The following SAMD8 variants were observed in gnomAD, a reference collection of about 807,000 sequenced individuals.
SAMD8 encodes sterile alpha motif domain containing 8, also known as sphingomyelin synthase-related protein 1.
A neutral mutation model predicts 42.0 loss-of-function variants in SAMD8; 20 were observed. The ratio of observed to expected loss-of-function variants is 0.48; its 90% CI spans 0.34 to 0.69. The LOEUF (loss-of-function observed/expected upper bound fraction) is 0.69, where lower values mean the gene tolerates loss of function less well. Ranked by LOEUF, SAMD8 falls within the 30% of genes least tolerant of loss-of-function variation. SAMD8 has a pLI of 0.01. For synonymous variants in SAMD8, 162 were observed against 173.0 expected (o/e 0.94, Z 0.50); for missense variants, 328 against 511.6 (o/e 0.64, Z 3.46).
chr10:75,147,036 C>T (rs1840153183), intron 1 of SAMD8, among the ~76,000 whole-genome samples: 1 of 152,138 alleles, frequency 6.6e-6, no homozygotes, highest in Non-Finnish European at 1.5e-5. Context: ...TCAAAGACTT[C>T]CAAGAGACTT....
rs1338125134 is a variant in SAMD8 at position 75,182,066 on chromosome 10, T to C, written c.*5374T>C. 2 of 152,246 alleles carry C rather than the reference T, an allele frequency of 1.3e-5. No individual in the cohort carries two copies. Among genetic ancestry groups the C allele is most frequent in the African/African-American group, 4.8e-5 (2 of 41,474 alleles). The allele number at this position is 152,246 out of a possible 1,614,324, so 9.4% of individuals were successfully genotyped here. ...GATTTAACTAATATATATTATTTTA[T>C]ATCTTTGTTGTATTAAAATGTTTAA... is the stretch of plus-strand genomic sequence containing the variant. On this transcript the variant is annotated 3_prime_UTR_variant, in exon 6 of 6. Coordinates refer to ENST00000542569, the MANE Select transcript of SAMD8 (RefSeq NM_001174156.2).
intron 1 of SAMD8, chr10:75,103,748 G>A (rs1848321100): frequency 1.7e-6 from 1 of 578,114 alleles, no homozygotes; most frequent in Admixed American, 3.7e-5. Flanking sequence ...GCCCTGAGGG[G>A]AGCTGCTGGA....
At chr10:75,111,334 T>G, upstream of SAMD8, 1 of 404,804 alleles carries the variant, frequency 2.5e-6, no homozygotes, top group Non-Finnish European at 4.2e-6. Context: ...CTCCTGTCGC[T>G]TTGGCCTCCG....
At chr10:75,171,160 C>CTTTTTTTTTTTTTTTTTTTTT (rs1003923090) in intron 4 of SAMD8, among the ~76,000 whole-genome samples, 12 of 68,518 alleles carry the variant, frequency 1.8e-4, no homozygotes, top group African/African-American at 3.5e-4. Flanking sequence ...CTTTCTTTTT[C>CTTTTTTTTTTTTTTTTTTTTT]TTTTTTTTTT....
Position 75,148,515 on chromosome 10 carries a change from G to A in SAMD8, c.-15-1999G>A, listed in dbSNP as rs140258051. ...ACTACAGGCGCACGCTGCCATGCCC[G>A]GCTAATTTTTTGTATTTTTAGTAGA... On this transcript the variant is annotated intron_variant, in intron 1 of 5. Coordinates refer to ENST00000542569, the MANE Select transcript of SAMD8 (RefSeq NM_001174156.2). Among the ~76,000 whole-genome samples the A allele has an allele frequency of 3.7e-3, 564 of 152,016 alleles. 1 individual carries two copies. Among genetic ancestry groups the A allele is most frequent in the African/African-American group, 0.011 (449 of 41,444 alleles).
chr10:75,161,057 G>C (rs1375060268), intron 2 of SAMD8, among the ~76,000 whole-genome samples: 1 of 152,028 alleles, frequency 6.6e-6, no homozygotes, highest in Non-Finnish European at 1.5e-5. Context: ...CGCAGAGTGA[G>C]ACCCTGTCTC....
chr10:75,143,410 G>A (rs771684459), intron 1 of SAMD8, among the ~76,000 whole-genome samples: 10 of 152,232 alleles, frequency 6.6e-5, no homozygotes, highest in South Asian at 2.1e-4. Flanking sequence ...TCATATTTTG[G>A]TATGGTAACA....
Position 75,128,241 on chromosome 10 carries a change from T to G in SAMD8, c.-16+16519T>G, listed in dbSNP as rs1186835945. Reference sequence around the variant, plus strand: ...GCACATGCTACCACGTCCAGCTAATTTTTGTATTTTTAGTAGAGACAGCAT... The same window carrying G: ...GCACATGCTACCACGTCCAGCTAATGTTTGTATTTTTAGTAGAGACAGCAT... On this transcript the variant is annotated intron_variant, in intron 1 of 5. Coordinates refer to ENST00000542569, the MANE Select transcript of SAMD8 (RefSeq NM_001174156.2). Among the ~76,000 whole-genome samples, 6 of 151,894 alleles carry G rather than the reference T, an allele frequency of 4.0e-5. No individual in the cohort carries two copies. In the East Asian group the frequency reaches 9.6e-4, roughly 24 times the overall value.
chr10:75,159,890 T>A (rs770124487), intron 2 of SAMD8, among the ~76,000 whole-genome samples: 3 of 152,352 alleles, frequency 2.0e-5, no homozygotes, highest in Non-Finnish European at 4.4e-5. Flanking sequence ...CACTGATGTT[T>A]GTTTCAGGGT....
chr10:75,105,073 G>C (rs1430428553), intron 1 of SAMD8, among the ~76,000 whole-genome samples: 1 of 152,188 alleles, frequency 6.6e-6, no homozygotes, highest in Non-Finnish European at 1.5e-5. Context: ...AGGAGTTGTA[G>C]AGGAAGCAGA....
intron 2 of SAMD8, 28 bp from the exon 3 acceptor site, chr10:75,164,616 CA>C: frequency 6.2e-7 from 1 of 1,604,164 alleles, no homozygotes; most frequent in Non-Finnish European, 8.5e-7. Context: ...TATACTTCTT[CA>C]ATTCAAAATC....
chr10:75,123,729 C>T (rs1005772807), intron 1 of SAMD8, among the ~76,000 whole-genome samples: 2 of 151,666 alleles, frequency 1.3e-5, no homozygotes, highest in African/African-American at 4.8e-5. Flanking sequence ...GTCTCACTGT[C>T]TCCCAGGTTG....
intron 1 of SAMD8, among the ~76,000 whole-genome samples, chr10:75,133,540 A>G (rs943855790): frequency 1.3e-5 from 2 of 152,248 alleles, no homozygotes; most frequent in Non-Finnish European, 2.9e-5. Context: ...AATAGCCAAG[A>G]TAAGGAATCA....
At chr10:75,145,345 T>C (rs1840107653) in intron 1 of SAMD8, among the ~76,000 whole-genome samples, 1 of 152,226 alleles carries the variant, frequency 6.6e-6, no homozygotes, top group Non-Finnish European at 1.5e-5. Context: ...AATGTGTCAG[T>C]TCTTGATTGA....
intron 4 of SAMD8, among the ~76,000 whole-genome samples, chr10:75,171,893 G>T (rs972121542): frequency 6.6e-6 from 1 of 151,998 alleles, no homozygotes; most frequent in Non-Finnish European, 1.5e-5. Flanking sequence ...GGGCATGGTG[G>T]CGGGCACCTG....
At chr10:75,102,303 C>A (rs1848216694) in intron 1 of SAMD8, among the ~76,000 whole-genome samples, 1 of 152,114 alleles carries the variant, frequency 6.6e-6, no homozygotes, top group African/African-American at 2.4e-5. Context: ...GCTAGCCGGG[C>A]GTGGTGGTGG....
intron 2 of SAMD8, among the ~76,000 whole-genome samples, chr10:75,151,967 G>A (rs995728074): frequency 1.3e-5 from 2 of 151,994 alleles, no homozygotes; most frequent in African/African-American, 4.8e-5. Context: ...GGGATTACAG[G>A]TGTGAGCCAC....
At chr10:75,109,126 C>T (rs1374937263), upstream of SAMD8, 15 of 1,606,080 alleles carry the variant, frequency 9.3e-6, no homozygotes, top group East Asian at 2.3e-5. Flanking sequence ...TTTGTCCTCT[C>T]CCCCCAGCTC....
chr10:75,113,477 T>G (rs1848816721), intron 1 of SAMD8, among the ~76,000 whole-genome samples: 1 of 151,946 alleles, frequency 6.6e-6, no homozygotes, highest in South Asian at 2.1e-4. Context: ...TGGGAGTAGC[T>G]GGGACTGCAG....
Sources: allele counts gnomAD v4.1 joint callset (sites outside exome capture counted in the v4.1 genomes callset), GRCh38; gene constraint gnomAD v4.1.1; transcripts MANE v1.5; gene names NCBI Gene and HGNC (gene_info 2026-07-23, HGNC 2026-07-21).